CIZ1: variants seen among roughly 807,000 people sequenced by gnomAD.
CIZ1 encodes the protein cip1-interacting zinc finger protein.
CIZ1 carries 58 observed loss-of-function variants against 118.6 expected under a neutral mutation model. The observed-to-expected ratio is 0.49, with a 90% CI of 0.40 to 0.61. The LOEUF (loss-of-function observed/expected upper bound fraction) is 0.61. Among genes scored for constraint, CIZ1 ranks in the 20% least tolerant of loss-of-function variants. The pLI, the probability that CIZ1 is intolerant of heterozygous loss-of-function variation, is 0.00. For missense variants in CIZ1, 921 were observed against 1,115.9 expected (o/e 0.83, Z 2.49); for synonymous variants, 448 against 443.4 (o/e 1.01, Z -0.13).
chr9:128,174,683 A>G (rs1326770845), intron 11 of CIZ1, among the ~76,000 whole-genome samples: 6 of 152,020 alleles, frequency 3.9e-5, no homozygotes, highest in African/African-American at 7.2e-5. Flanking sequence ...TGTTTTTGAG[A>G]CAGAATCTCT....
Position 128,178,781 on chromosome 9 carries a change from G to C in CIZ1, c.1426C>G (p.Pro476Ala). The change falls in exon 8 of 17, where the codon CCA becomes GCA. Residue 476 changes from proline (P) to alanine (A), a missense_variant. Transcript: ENST00000372938. ...HTQPQVSLLA[P>A]EQTPVVVHVC... is the part of the protein sequence containing the mutation. ...TGAACCACAACTGGTGTTTGCTCTG[G>C]AGCCAGCAACGACACCTGCGGCTGG... is the stretch of plus-strand genomic sequence containing the variant. 6.2e-7 allele frequency: 1 copy of C among 1,614,266 alleles called. No homozygotes were observed. Among genetic ancestry groups the C allele is most frequent in the Non-Finnish European group, 8.5e-7 (1 of 1,180,048 alleles).
intron 11 of CIZ1, among the ~76,000 whole-genome samples, chr9:128,175,742 A>G (rs1830767678): frequency 6.6e-6 from 1 of 152,172 alleles, no homozygotes; most frequent in Admixed American, 6.5e-5. Context: ...AGATCCAGAG[A>G]TGAGAAGCAG....
chr9:128,177,546 C>CCA lies in CIZ1; in HGVS notation c.1818+19_1818+20insTG. The CCA allele has an allele frequency of 7.4e-7, 1 of 1,353,456 alleles. No individual in the cohort carries two copies. The highest frequency in any genetic ancestry group is 9.9e-7 in the Non-Finnish European group (1 of 1,013,752). The allele number at this position is 1,353,456 out of a possible 1,614,324, so 83.8% of individuals were successfully genotyped here. ...CACGCAGGCCCCACCCCTCCCCACC[C>CCA]TTATCTCCTGTATCAGTACCTGCTG... On this transcript the variant is annotated intron_variant, in intron 10 of 16. Transcript: ENST00000372938.
chr9:128,203,503 G>T lies in CIZ1; in HGVS notation c.-6+683C>A, dbSNP rs1157955248. 6.5e-7 allele frequency: 1 copy of T among 1,534,558 alleles called. No individual in the cohort carries two copies. The highest frequency in any genetic ancestry group is 8.7e-7 in the Non-Finnish European group (1 of 1,143,946). ...ACCGCGGCATGGAAGATCTCATCCC[G>T]CTGGTCAACCGGCTGCAAGACGCCT... On this transcript the variant is annotated intron_variant, in intron 1 of 17. Coordinates refer to the CIZ1 transcript ENST00000372948. The surrounding 1 kb of genome is among the most constrained non-coding windows in gnomAD (Gnocchi z 5.3).
chr9:128,177,741 A>G lies in CIZ1; in HGVS notation c.1643T>C (p.Leu548Pro). Residue 548 changes from leucine (L) to proline (P), a missense_variant, in exon 10 of 17, where the codon CTG becomes CCG. Transcript: ENST00000372938. ...MPGVWGAGGS[L>P]KVTILQSSDS... The stretch of plus-strand genomic sequence containing the variant: ...ACTGCTCTGCAGAATGGTGACCTTC[A>G]GGGAGCCCCCGGCGCCCCATACCTG... The G allele has an allele frequency of 1.9e-6, 3 of 1,603,950 alleles. No individual in the cohort carries two copies. Among genetic ancestry groups the G allele is most frequent in the African/African-American group, 2.7e-5 (2 of 74,802 alleles).
chr9:128,184,037 G>C (rs891757396), intron 5 of CIZ1, among the ~76,000 whole-genome samples: 2 of 152,178 alleles, frequency 1.3e-5, no homozygotes, highest in Non-Finnish European at 2.9e-5. Flanking sequence ...CAAAGTGTTG[G>C]GATTACAGGC....
At chr9:128,170,427 T>C (rs1829990030) in intron 11 of CIZ1, among the ~76,000 whole-genome samples, 1 of 152,202 alleles carries the variant, frequency 6.6e-6, no homozygotes, top group Non-Finnish European at 1.5e-5. Flanking sequence ...CTAAACAGGT[T>C]CAAATATTGG....
chr9:128,167,304 T>C lies in CIZ1; in HGVS notation c.2296-140A>G, dbSNP rs540492648. The C allele has an allele frequency of 4.6e-4, 293 of 641,228 alleles. 4 individuals carry two copies. The highest frequency in any genetic ancestry group is 4.6e-3 in the South Asian group (230 of 50,506). The allele number at this position is 641,228 out of a possible 1,614,324, so 39.7% of individuals were successfully genotyped here. On this transcript the variant is annotated intron_variant, in intron 14 of 16. Coordinates refer to ENST00000372938, the MANE Select transcript of CIZ1 (RefSeq NM_001131016.2). ...CCAGGAGGTAGTGGGTGGCATTCTC[T>C]GAGCCTTTGCACATGGTGATCCTGC...
intron 1 of CIZ1, among the ~76,000 whole-genome samples, chr9:128,202,604 C>T (rs2131057039): frequency 6.6e-6 from 1 of 152,240 alleles, no homozygotes; most frequent in South Asian, 2.1e-4. Context: ...TCATTTTGGT[C>T]TCTTCTCAAA....
intron 1 of CIZ1, among the ~76,000 whole-genome samples, chr9:128,200,831 C>T (rs1355336398): frequency 7.0e-5 from 2 of 28,406 alleles, no homozygotes; most frequent in African/African-American, 2.0e-4. Context: ...AGCGAGACTA[C>T]GTCTCAAATA....
chr9:128,177,546 C>CAAAAA lies in CIZ1; in HGVS notation c.1818+19_1818+20insTTTTT. The CAAAAA allele has an allele frequency of 3.0e-6, 4 of 1,353,450 alleles. No homozygotes were observed. The highest frequency in any genetic ancestry group is 3.9e-6 in the Non-Finnish European group (4 of 1,013,746). 83.8% of individuals were successfully genotyped at this position (1,353,450 alleles called of 1,614,324 possible). On this transcript the variant is annotated intron_variant, in intron 10 of 16. Transcript: ENST00000372938. ...CACGCAGGCCCCACCCCTCCCCACC[C>CAAAAA]TTATCTCCTGTATCAGTACCTGCTG...
At position 128,176,370 on chromosome 9, in the gene CIZ1, C is replaced by T. The variant is rs772863176; in HGVS notation, c.1924G>A (p.Val642Ile). 6.8e-6 allele frequency: 11 copies of T among 1,613,894 alleles called. No individual in the cohort carries two copies. The highest frequency in any genetic ancestry group is 1.6e-4 in the Middle Eastern group (1 of 6,082). The change falls in exon 11 of 17, where the codon GTC becomes ATC. Residue 642 changes from valine (V) to isoleucine (I), a missense_variant. By Grantham distance (29) the Val-to-Ile change is conservative. Transcript: ENST00000372938. Reference sequence around the variant, plus strand: ...ACTCACTCATCCTCTGTCTCCAGGACGTCCCGGGGCACGGGCAGCAGGGAC... The same window carrying T: ...ACTCACTCATCCTCTGTCTCCAGGATGTCCCGGGGCACGGGCAGCAGGGAC... ...LLSLLPVPRD[V>I]LETEDEEPPP...
At chr9:128,179,748 C>A (rs1405133967) in intron 7 of CIZ1, among the ~76,000 whole-genome samples, 7 of 152,184 alleles carry the variant, frequency 4.6e-5, no homozygotes, top group African/African-American at 1.2e-4. Context: ...TCTCGGCTCA[C>A]CACAACCTCC....
At chr9:128,177,468 G>C in intron 10 of CIZ1, 98 bp downstream of exon 10, 2 of 825,552 alleles carry the variant, frequency 2.4e-6, no homozygotes, top group Non-Finnish European at 3.6e-6. Flanking sequence ...TGGCTGCTTG[G>C]GGCAGGGCCC....
intron 1 of CIZ1, among the ~76,000 whole-genome samples, chr9:128,198,699 G>A (rs557805842): frequency 1.3e-5 from 2 of 152,090 alleles, no homozygotes; most frequent in African/African-American, 4.8e-5. Flanking sequence ...AGGTGTGGTG[G>A]TGAGTGCCTG....
upstream of CIZ1, among the ~76,000 whole-genome samples, chr9:128,194,314 A>G (rs529329242): frequency 2.8e-5 from 4 of 144,568 alleles, no homozygotes; most frequent in South Asian, 8.6e-4. Flanking sequence ...GTGAGCCAAG[A>G]TCGTACCATT....
rs1473741875 is a variant in CIZ1 at position 128,178,446 on chromosome 9, T to C, written c.1543A>G (p.Met515Val). 1.2e-6 allele frequency: 2 copies of C among 1,614,010 alleles called. No individual in the cohort carries two copies. The highest frequency in any genetic ancestry group is 2.7e-5 in the African/African-American group (2 of 74,942). The change falls in exon 9 of 17, where the codon ATG becomes GTG. Residue 515 changes from methionine (M) to valine (V), a missense_variant. Transcript: ENST00000372938. Reference protein sequence around the residue: ...LPEPVGTQVSMEEIQNESACG... With the variant: ...LPEPVGTQVSVEEIQNESACG... ...GCCGACTCATTCTGAATCTCTTCCA[T>C]GCTGACTTGGGTGCCCACAGGCTCT...
At chr9:128,173,387 C>T (rs1830402155) in intron 11 of CIZ1, among the ~76,000 whole-genome samples, 1 of 151,864 alleles carries the variant, frequency 6.6e-6, no homozygotes, top group Non-Finnish European at 1.5e-5. Context: ...CCTCATGATC[C>T]ACCCGCCTCA....
In CIZ1 at chr9:128,203,108, T is replaced by C. The variant is rs1317974679; in HGVS notation, c.-6+1078A>G. Among the ~76,000 whole-genome samples, 1 of 152,142 alleles carries C rather than the reference T, an allele frequency of 6.6e-6. No homozygotes were observed. The highest frequency in any genetic ancestry group is 1.5e-5 in the Non-Finnish European group (1 of 68,018). On this transcript the variant is annotated intron_variant, in intron 1 of 17. Transcript: ENST00000372948. The surrounding 1 kb of genome is among the most constrained non-coding windows in gnomAD (Gnocchi z 5.3). ...CAGGCCTGTTTCCTCATCGGTAAGATGGAGTGAAACATCCAGACCACTCTC... is the reference window on the plus strand; with the variant it reads ...CAGGCCTGTTTCCTCATCGGTAAGACGGAGTGAAACATCCAGACCACTCTC...
Sources: gnomAD v4.1 joint callset for allele counts (sites outside exome capture counted in the v4.1 genomes callset) on GRCh38, gnomAD v4.1.1 for gene constraint, Gnocchi (gnomAD v3.1) non-coding constraint, MANE v1.5 for transcripts, NCBI Gene and HGNC (gene_info 2026-07-23, HGNC 2026-07-21) for gene names.